SDK1: variants seen among roughly 807,000 people sequenced by gnomAD.
SDK1 encodes the protein protein sidekick-1.
A neutral mutation model predicts 245.5 loss-of-function variants in SDK1; 157 were observed. The ratio of observed to expected loss-of-function variants is 0.64; its 90% CI spans 0.56 to 0.73. The LOEUF (loss-of-function observed/expected upper bound fraction) is 0.73, where lower values mean the gene tolerates loss of function less well. SDK1 is among the 30% of genes least tolerant of loss of function. SDK1 has a pLI of 0.00. For missense variants in SDK1, 3,583 were observed against 3,002.3 expected (o/e 1.19, Z -4.52); for synonymous variants, 1,647 against 1,278.5 (o/e 1.29, Z -6.15).
intron 14 of SDK1, among the ~76,000 whole-genome samples, chr7:4,006,867 G>T (rs552561537): frequency 6.6e-6 from 1 of 152,232 alleles, no homozygotes; most frequent in Non-Finnish European, 1.5e-5. Context: ...TACACTCGGA[G>T]TGAACAAACA....
chr7:3,849,148 A>G (rs1468480449), intron 5 of SDK1, among the ~76,000 whole-genome samples: 2 of 152,014 alleles, frequency 1.3e-5, no homozygotes, highest in Non-Finnish European at 2.9e-5. Flanking sequence ...TTCTCTCCAA[A>G]TGAATGCACC....
At chr7:3,587,732 G>A (rs994331404) in intron 1 of SDK1, among the ~76,000 whole-genome samples, 7 of 152,302 alleles carry the variant, frequency 4.6e-5, no homozygotes, top group East Asian at 3.9e-4. Flanking sequence ...AAGTATCTGG[G>A]CACCCCGTGG....
intron 4 of SDK1, among the ~76,000 whole-genome samples, chr7:3,653,071 T>C (rs1340235675): frequency 6.6e-6 from 1 of 152,196 alleles, no homozygotes; most frequent in African/African-American, 2.4e-5. Context: ...GGAAGGAATC[T>C]GGTGACGCAG....
intron 1 of SDK1, among the ~76,000 whole-genome samples, chr7:3,419,928 G>T (rs186437736): frequency 3.9e-5 from 6 of 152,130 alleles, no homozygotes; most frequent in African/African-American, 7.2e-5. Context: ...TGGAAAATAC[G>T]CAAAGCCGTT....
At chr7:3,423,823 C>T (rs776105635) in intron 1 of SDK1, among the ~76,000 whole-genome samples, 2 of 152,054 alleles carry the variant, frequency 1.3e-5, no homozygotes, top group African/African-American at 4.8e-5. Context: ...GTTGTGTTCT[C>T]TGTAAATAAC....
intron 1 of SDK1, among the ~76,000 whole-genome samples, chr7:3,474,713 C>T (rs1259372025): frequency 1.3e-5 from 2 of 152,178 alleles, no homozygotes; most frequent in East Asian, 1.9e-4. Flanking sequence ...TTTTTTGAGA[C>T]AGGGTCTTAC....
rs1451911002 is a variant in SDK1 at position 3,592,996 on chromosome 7, G to A, written c.299-26084G>A. On this transcript the variant is annotated intron_variant, in intron 1 of 44. Transcript: ENST00000404826. ...ACCTAGGACAAGATTACCCATCTGTGGAAACGCATTGCTGACACCTGGACA... is the reference window on the plus strand; with the variant it reads ...ACCTAGGACAAGATTACCCATCTGTAGAAACGCATTGCTGACACCTGGACA... 2.6e-5 allele frequency among the ~76,000 whole-genome samples: 4 copies of A among 152,282 alleles called. No individual in the cohort carries two copies. In the East Asian group the frequency reaches 7.7e-4, roughly 29 times the overall value.
At chr7:3,958,735 G>C (rs1781451928) in intron 7 of SDK1, among the ~76,000 whole-genome samples, 196 bp from the exon 8 acceptor site, 1 of 152,182 alleles carries the variant, frequency 6.6e-6, no homozygotes, top group Non-Finnish European at 1.5e-5. Context: ...TGAGTAGTAA[G>C]TTGCTTTCTG....
intron 1 of SDK1, among the ~76,000 whole-genome samples, chr7:3,474,553 C>A (rs984401055): frequency 2.0e-5 from 3 of 152,076 alleles, no homozygotes; most frequent in Admixed American, 2.0e-4. Flanking sequence ...TGGACGTTTA[C>A]CTCTCCCTCA....
At chr7:3,752,587 AT>A (rs952371199) in intron 4 of SDK1, among the ~76,000 whole-genome samples, 10 of 151,568 alleles carry the variant, frequency 6.6e-5, no homozygotes, top group East Asian at 1.9e-4. Context: ...TATAGAAATT[AT>A]TTTTTTTTGA....
intron 20 of SDK1, among the ~76,000 whole-genome samples, chr7:4,076,688 C>T (rs1009366644): frequency 2.0e-5 from 3 of 152,216 alleles, no homozygotes; most frequent in Admixed American, 6.5e-5. Flanking sequence ...TTTCAGTTCA[C>T]GCACCTGGTG....
intron 14 of SDK1, among the ~76,000 whole-genome samples, chr7:3,991,146 G>A (rs1421539154): frequency 3.3e-5 from 5 of 152,236 alleles, no homozygotes; most frequent in Admixed American, 2.6e-4. Context: ...GTCAGAGAAA[G>A]TCTTCAAAGA....
intron 1 of SDK1, among the ~76,000 whole-genome samples, chr7:3,600,749 C>T (rs908222583): frequency 4.0e-5 from 6 of 151,840 alleles, no homozygotes; most frequent in Admixed American, 6.6e-5. Flanking sequence ...AGGGTTTCAC[C>T]GTGTTAGCCA....
intron 4 of SDK1, among the ~76,000 whole-genome samples, chr7:3,668,058 T>A (rs1479384995): frequency 6.6e-6 from 1 of 152,170 alleles, no homozygotes; most frequent in Non-Finnish European, 1.5e-5. Flanking sequence ...GAAACTTAGC[T>A]TGCTATACCT....
rs751221470 is a variant in SDK1, at chr7:4,158,499, T to C, written c.4677T>C (p.Ile1559=). ...YKLRLKATND[I]GDSDFSSETE... is the part of the protein sequence containing the mutation. ...TGCGCCTGAAAGCCACCAACGACAT[T>C]GGGGACAGTGACTTCAGTTCAGAGA... is the stretch of plus-strand genomic sequence containing the variant. The change falls in exon 31 of 45, where the codon ATT becomes ATC. Residue 1559 remains isoleucine, a synonymous_variant. Coordinates refer to ENST00000404826, the MANE Select transcript of SDK1 (RefSeq NM_152744.4). The C allele has an allele frequency of 6.2e-7, 1 of 1,613,668 alleles. No individual in the cohort carries two copies. Among genetic ancestry groups the C allele is most frequent in the Non-Finnish European group, 8.5e-7 (1 of 1,179,968 alleles).
chr7:3,838,165 C>T (rs1041090178), intron 5 of SDK1, among the ~76,000 whole-genome samples: 21 of 152,142 alleles, frequency 1.4e-4, no homozygotes, highest in African/African-American at 4.8e-4. Context: ...TTAATGAGAC[C>T]CCGAAGAGAT....
chr7:4,145,897 C>T lies in SDK1; in HGVS notation c.4404C>T (p.Val1468=), dbSNP rs781210318. 3.8e-6 allele frequency: 6 copies of T among 1,585,720 alleles called. No individual in the cohort carries two copies. The South Asian group carries it at 5.6e-5, about 15-fold the overall frequency. The change falls in exon 29 of 45, where the codon GTC becomes GTT. Residue 1468 remains valine, a synonymous_variant. Coordinates refer to ENST00000404826, the MANE Select transcript of SDK1 (RefSeq NM_152744.4). ...GGGGGGAGCCACTGGAGGCCACCGT[C>T]ATCACCACCGAGAAGAGAGGTAAGA... The part of the protein sequence containing the change: ...QGWGEPLEAT[V]ITTEKRERPA...
rs547560408 is a variant in SDK1, at chr7:3,706,646, C to G, written c.713+64541C>G. On this transcript the variant is annotated intron_variant, in intron 4 of 44. Transcript: ENST00000404826. The stretch of plus-strand genomic sequence containing the variant: ...TGCGATCTCCTGACCTCGTGATCCA[C>G]CCACTTTGGCCTCCCAAAGTGCTGG... Among the ~76,000 whole-genome samples the G allele has an allele frequency of 3.3e-5, 5 of 152,326 alleles. No individual in the cohort carries two copies. In the South Asian group the frequency reaches 1.0e-3, roughly 32 times the overall value.
intron 5 of SDK1, among the ~76,000 whole-genome samples, chr7:3,874,523 C>T: frequency 6.6e-6 from 1 of 152,136 alleles, no homozygotes; most frequent in Non-Finnish European, 1.5e-5. Flanking sequence ...GACAAGTGTT[C>T]CTGCTCCTTC....
Sources: gnomAD v4.1 joint callset for allele counts (sites outside exome capture counted in the v4.1 genomes callset) on GRCh38, gnomAD v4.1.1 for gene constraint, MANE v1.5 for transcripts, NCBI Gene and HGNC (gene_info 2026-07-23, HGNC 2026-07-21) for gene names.